COL6A3: variants seen among roughly 807,000 people sequenced by gnomAD.
The protein encoded by COL6A3 is collagen type VI alpha 3 chain.
A neutral mutation model predicts 274.1 loss-of-function variants in COL6A3; 137 were observed. The observed-to-expected ratio is 0.50, with a 90% confidence interval of 0.44 to 0.58. The LOEUF (loss-of-function observed/expected upper bound fraction) is 0.58. Ranked by LOEUF, COL6A3 falls within the 20% of genes least tolerant of loss-of-function variation. COL6A3 has a pLI of 0.00. For synonymous variants in COL6A3, 1,650 were observed against 1,650.6 expected, an observed-to-expected ratio of 1.00 and a Z score of 0.01; for missense variants, 3,950 against 4,124.9, an observed-to-expected ratio of 0.96 and a Z score of 1.16.
rs551292577 is a variant in COL6A3, at chr2:237,368,300, C to T, written c.4900+263G>A. Among the ~76,000 whole-genome samples the T allele has an allele frequency of 2.0e-5, 3 of 152,268 alleles. No individual in the cohort carries two copies. In the South Asian group the frequency reaches 6.2e-4, roughly 32 times the overall value. On this transcript the variant is annotated intron_variant, in intron 10 of 43. Transcript: ENST00000295550. This position sits in a 1 kb window ranked among gnomAD's most constrained non-coding sequence, Gnocchi z 4.4. ...CAAAGATGCCATCCTATTCTGAGAGCCAATGAGTTTGTAATTATCTCAGTG... is the reference window on the plus strand; with the variant it reads ...CAAAGATGCCATCCTATTCTGAGAGTCAATGAGTTTGTAATTATCTCAGTG...
chr2:237,393,871 G>A (rs376480390), intron 3 of COL6A3, among the ~76,000 whole-genome samples: 4 of 152,092 alleles, frequency 2.6e-5, no homozygotes, highest in Admixed American at 1.3e-4. Context: ...TGCAATGTCC[G>A]TGTGCTCTCA....
Position 237,381,432 on chromosome 2 carries a change from G to C in COL6A3, c.1380C>G (p.Asn460Lys), listed in dbSNP as rs779588195. ...VDGSSALGLA[N>K]FNAIRDFIAK... is the part of the protein sequence containing the mutation. Reference sequence around the variant, plus strand: ...CAATGAAGTCTCGGATGGCATTGAAGTTGGCCAGTCCCAGTGCAGATGAGC... The same window carrying C: ...CAATGAAGTCTCGGATGGCATTGAACTTGGCCAGTCCCAGTGCAGATGAGC... Residue 460 changes from asparagine to lysine, a missense_variant, in exon 5 of 44, where the codon AAC (asparagine) becomes AAG (lysine). Around this residue, in one of 5 missense-constraint regions of COL6A3, gnomAD observed 1,934 missense variants for 1,984.3 expected, o/e 0.97. Transcript: ENST00000295550. The C allele has an allele frequency of 2.5e-6, 4 of 1,612,150 alleles. No homozygotes were observed. The highest frequency in any genetic ancestry group is 3.4e-6 in the Non-Finnish European group (4 of 1,180,016).
At position 237,374,772 on chromosome 2, in the gene COL6A3, T is replaced by C. The variant is rs1574710031; in HGVS notation, c.3319A>G (p.Asn1107Asp). The change falls in exon 8 of 44, where the codon AAC (asparagine) becomes GAC (aspartate). Residue 1107 changes from asparagine to aspartate, a missense_variant. Asn to Asp is a conservative substitution (Grantham distance 23, BLOSUM62 1). Coordinates refer to ENST00000295550, the MANE Select transcript of COL6A3 (RefSeq NM_004369.4). The surrounding 1 kb of genome is among the most constrained non-coding windows in gnomAD (Gnocchi z 4.8). ...QLTLLGGPTP[N>D]TGAALEFVLR... ...ACAAACTCCAGGGCGGCCCCGGTGTTGGGGGTCGGCCCTCCCAGCAGGGTC... is the reference window on the plus strand; with the variant it reads ...ACAAACTCCAGGGCGGCCCCGGTGTCGGGGGTCGGCCCTCCCAGCAGGGTC... 6.2e-7 allele frequency: 1 copy of C among 1,613,832 alleles called. No individual in the cohort carries two copies. Among genetic ancestry groups the C allele is most frequent in the Non-Finnish European group, 8.5e-7 (1 of 1,179,962 alleles).
At chr2:237,354,319 A>T (rs76519824) in intron 24 of COL6A3, among the ~76,000 whole-genome samples, 1 of 147,896 alleles carries the variant, frequency 6.8e-6, no homozygotes, top group Non-Finnish European at 1.5e-5. Context: ...TCCTGGCCAG[A>T]TTTTTTTTTT....
At chr2:237,373,656 G>T (rs932466804) in intron 8 of COL6A3, among the ~76,000 whole-genome samples, 4 of 152,132 alleles carry the variant, frequency 2.6e-5, no homozygotes, top group African/African-American at 7.2e-5. Context: ...AGGCAAGTGA[G>T]TGCATATGAG....
At chr2:237,381,813 T>C (rs1349424275) in intron 4 of COL6A3, among the ~76,000 whole-genome samples, 1 of 152,216 alleles carries the variant, frequency 6.6e-6, no homozygotes, top group Non-Finnish European at 1.5e-5. Context: ...TAAGTTCTCT[T>C]CTGCCGTAAA....
chr2:237,384,787 C>T lies in COL6A3; in HGVS notation c.1312+2795G>A, dbSNP rs536447099. Among the ~76,000 whole-genome samples the T allele has an allele frequency of 3.1e-4, 47 of 152,256 alleles. No individual in the cohort carries two copies. In the South Asian group the frequency reaches 3.5e-3, roughly 11 times the overall value. ...CCTGCCCCCACCACTAACCCACAGC[C>T]TACCTTCCTCTGCCATTGGCTCCCA... On this transcript the variant is annotated intron_variant, in intron 4 of 43. Transcript: ENST00000295550.
chr2:237,398,603 C>T (rs1170232388), intron 1 of COL6A3, among the ~76,000 whole-genome samples: 1 of 152,236 alleles, frequency 6.6e-6, no homozygotes, highest in Non-Finnish European at 1.5e-5. Flanking sequence ...TCTTAGACCA[C>T]AGACGGGGCT....
In COL6A3 at chr2:237,336,391, T is replaced by G. The variant is rs770062985; in HGVS notation, c.8709A>C (p.Pro2903=). 6.2e-7 allele frequency: 1 copy of G among 1,614,270 alleles called. No homozygotes were observed. Among genetic ancestry groups the G allele is most frequent in the South Asian group, 1.1e-5 (1 of 91,084 alleles). The part of the protein sequence containing the change: ...TTKPVTIINQ[P]SVKPAAAKPA... ...GCTTTGCAGCGGCTGGCTTCACAGA[T>G]GGCTGATTTATAATAGTCACAGGCT... The change falls in exon 40 of 44, where the codon CCA becomes CCC. Residue 2903 remains proline (P), a synonymous_variant. Transcript: ENST00000295550.
intron 4 of COL6A3, among the ~76,000 whole-genome samples, chr2:237,382,165 C>G (rs977372796): frequency 2.0e-5 from 3 of 152,140 alleles, no homozygotes; most frequent in African/African-American, 7.2e-5. Context: ...GGTGGATCAT[C>G]TGAGTTCAGG....
At chr2:237,325,290 A>G (rs568494250) in intron 43 of COL6A3, among the ~76,000 whole-genome samples, 23 of 152,258 alleles carry the variant, frequency 1.5e-4, no homozygotes, top group African/African-American at 4.8e-4. Context: ...TCTTCCCAGG[A>G]ATCATTTTTG....
intron 39 of COL6A3, 21 bp downstream of exon 39, chr2:237,338,994 A>G: frequency 1.9e-6 from 3 of 1,598,192 alleles, no homozygotes; most frequent in Non-Finnish European, 2.6e-6. Flanking sequence ...AATTTTTAAG[A>G]CAATAATTAT....
chr2:237,379,141 G>A lies in COL6A3; in HGVS notation c.1992C>T (p.Asn664=), dbSNP rs763574116. The part of the protein sequence containing the change: ...NFPYVRDFVM[N]LVNSLDIGND... ...TTCCAATATCAAGGCTGTTAACTAG[G>A]TTCATTACAAAGTCGCGCACATAAG... Residue 664 remains asparagine, a synonymous_variant, in exon 6 of 44, where the codon AAC becomes AAT. Transcript: ENST00000295550. 9.3e-6 allele frequency: 15 copies of A among 1,614,096 alleles called. No homozygotes were observed. The highest frequency in any genetic ancestry group is 1.3e-5 in the Non-Finnish European group (15 of 1,180,050).
chr2:237,353,008 G>A (rs574445488), intron 25 of COL6A3, among the ~76,000 whole-genome samples: 7 of 152,278 alleles, frequency 4.6e-5, no homozygotes, highest in East Asian at 3.9e-4. Flanking sequence ...ATGATGCTCC[G>A]TCAAGCCACA....
At chr2:237,336,004 C>G in intron 40 of COL6A3, 131 bp downstream of exon 40, 1 of 1,158,628 alleles carries the variant, frequency 8.6e-7, no homozygotes, top group Non-Finnish European at 1.2e-6. Context: ...TCTTAAAATA[C>G]ATCATCCAGG....
At position 237,368,877 on chromosome 2, in the gene COL6A3, A is replaced by T. The variant is rs772905568; in HGVS notation, c.4586T>A (p.Val1529Asp). 6.2e-7 allele frequency: 1 copy of T among 1,614,202 alleles called. No individual in the cohort carries two copies. The highest frequency in any genetic ancestry group is 1.7e-5 in the Admixed American group (1 of 60,034). ...TTCTATGCGACTCCCCGCAGACTTA[A>T]CAAAGAGGTTTCTTGCCACAAATTC... Reference protein sequence around the residue: ...ALEFVARNLFVKSAGSRIEDG... With the variant: ...ALEFVARNLFDKSAGSRIEDG... The change falls in exon 10 of 44, where the codon GTT becomes GAT. Residue 1529 changes from valine to aspartate, a missense_variant. Val to Asp is a radical substitution (Grantham distance 152, BLOSUM62 -3). Around this residue, in one of 5 missense-constraint regions of COL6A3, gnomAD observed 1,934 missense variants for 1,984.3 expected, o/e 0.97. Transcript: ENST00000295550. The surrounding 1 kb of genome is among the most constrained non-coding windows in gnomAD (Gnocchi z 4.4).
chr2:237,410,433 C>G (rs2078829584), intron 1 of COL6A3, among the ~76,000 whole-genome samples: 1 of 151,732 alleles, frequency 6.6e-6, no homozygotes, highest in Admixed American at 6.6e-5. Flanking sequence ...AGCCTCGTAG[C>G]TGAGATTACA....
chr2:237,340,485 G>T lies in COL6A3; in HGVS notation c.8431C>A (p.Arg2811Ser), dbSNP rs371361651. 4 of 1,613,776 alleles carry T rather than the reference G, an allele frequency of 2.5e-6. No homozygotes were observed. In the South Asian group the frequency reaches 3.3e-5, roughly 13 times the overall value. Residue 2811 changes from arginine (R) to serine (S), a missense_variant, in exon 38 of 44, where the codon CGC becomes AGC. Around this residue, in one of 5 missense-constraint regions of COL6A3, gnomAD observed 1,284 missense variants for 1,349.7 expected, o/e 0.95. Coordinates refer to ENST00000295550, the MANE Select transcript of COL6A3 (RefSeq NM_004369.4). ...AAGGATGGCAACAGCCTCCCGAAGC[G>T]CATCAAAGGCTCCTCGTTGAGCTCG... ...STELNEEPLM[R>S]FGRLLPSFVS...
Position 237,380,996 on chromosome 2 carries a change from C to G in COL6A3, c.1816G>C (p.Ala606Pro), listed in dbSNP as rs2077988771. The change falls in exon 5 of 44, where the codon GCT becomes CCT. Residue 606 changes from alanine to proline, a missense_variant. By Grantham distance (27) the Ala-to-Pro change is conservative (BLOSUM62 -1). Transcript: ENST00000295550. ...AFDSSLVFIPAEFRAAPLQGM... is the reference protein window; with the variant it reads ...AFDSSLVFIPPEFRAAPLQGM... ...TGCAATGGGGCGGCTCGGAACTCAG[C>G]TGGGATGAACACCAGGGAGGAGTCG... The G allele has an allele frequency of 9.3e-6, 15 of 1,614,094 alleles. No individual in the cohort carries two copies. The East Asian group carries it at 3.1e-4, about 34-fold the overall frequency.
Sources: gnomAD v4.1 joint callset for allele counts (sites outside exome capture counted in the v4.1 genomes callset) on GRCh38, gnomAD v4.1.1 for gene constraint, gnomAD v4.1.1 regional missense constraint, Gnocchi (gnomAD v3.1) non-coding constraint, MANE v1.5 for transcripts, NCBI Gene and HGNC (gene_info 2026-07-23, HGNC 2026-07-21) for gene names.